DNAH12: variants seen among roughly 807,000 people sequenced by gnomAD.
The protein encoded by DNAH12 is axonemal beta dynein heavy chain 12.
A neutral mutation model predicts 371.5 loss-of-function variants in DNAH12; 285 were observed. The observed-to-expected ratio is 0.77, with a 90% confidence interval of 0.70 to 0.85. DNAH12 has a LOEUF of 0.85. Ranked by LOEUF, DNAH12 falls within the 40% of genes least tolerant of loss-of-function variation. DNAH12 has a pLI of 0.00. For synonymous variants in DNAH12, 1,200 were observed against 1,213.0 expected (o/e 0.99, Z 0.22); for missense variants, 3,611 against 3,689.4 (o/e 0.98, Z 0.55).
At chr3:57,302,312 G>A (rs1005756659) in intron 69 of DNAH12, among the ~76,000 whole-genome samples, 2 of 151,678 alleles carry the variant, frequency 1.3e-5, no homozygotes, top group African/African-American at 4.8e-5. Flanking sequence ...TGCAATGGCT[G>A]AAACAAACAC....
At chr3:57,421,898 A>G (rs1044565356) in intron 35 of DNAH12, among the ~76,000 whole-genome samples, 192 bp from the exon 36 acceptor site, 15 of 104,824 alleles carry the variant, frequency 1.4e-4, no homozygotes, top group Non-Finnish European at 2.7e-4. Flanking sequence ...AAATGTTTGC[A>G]TGTCTTTTTT....
chr3:57,331,649 G>T (rs1396621329), intron 62 of DNAH12, among the ~76,000 whole-genome samples: 1 of 152,140 alleles, frequency 6.6e-6, no homozygotes, highest in African/African-American at 2.4e-5. Context: ...AAAAAAGAAG[G>T]AAGAAACGAA....
At chr3:57,389,196 C>T (rs2063558224) in intron 45 of DNAH12, among the ~76,000 whole-genome samples, 1 of 150,674 alleles carries the variant, frequency 6.6e-6, no homozygotes. Flanking sequence ...ATCTTATTTA[C>T]TCTCTGTCCC....
chr3:57,402,504 C>T (rs1326963105), intron 43 of DNAH12: 1 of 1,122,082 alleles, frequency 8.9e-7, no homozygotes, highest in Non-Finnish European at 1.2e-6. Flanking sequence ...ATGGTTAAAT[C>T]TGCTAGAAAC....
At chr3:57,301,234 C>T (rs1452517411) in intron 70 of DNAH12, among the ~76,000 whole-genome samples, 1 of 131,122 alleles carries the variant, frequency 7.6e-6, no homozygotes, top group Non-Finnish European at 1.5e-5. Context: ...CCACTGCACT[C>T]CAGCCTGGAT....
intron 49 of DNAH12, among the ~76,000 whole-genome samples, chr3:57,384,530 G>A (rs2153344726): frequency 6.6e-6 from 1 of 152,134 alleles, no homozygotes; most frequent in South Asian, 2.1e-4. Context: ...TGTGATCCTA[G>A]TTACTGAGGA....
chr3:57,442,967 A>T (rs1464198791), intron 29 of DNAH12, among the ~76,000 whole-genome samples: 1 of 152,240 alleles, frequency 6.6e-6, no homozygotes, highest in Non-Finnish European at 1.5e-5. Context: ...GTGGTTTATG[A>T]ACGCTGAACT....
intron 43 of DNAH12, chr3:57,402,355 C>A: frequency 7.7e-7 from 1 of 1,294,832 alleles, no homozygotes; most frequent in South Asian, 1.2e-5. Context: ...GGGCTACAGA[C>A]CCCTAGGCAT....
intron 67 of DNAH12, 78 bp downstream of exon 67, chr3:57,310,639 A>G (rs2061564583): frequency 1.0e-6 from 1 of 987,330 alleles, no homozygotes; most frequent in African/African-American, 1.6e-5. Context: ...AAACCTATAC[A>G]TTAGAGAAGA....
At chr3:57,371,665 A>ACATG (rs1553667683) in intron 55 of DNAH12, among the ~76,000 whole-genome samples, 2 of 67,192 alleles carry the variant, frequency 3.0e-5, no homozygotes, top group East Asian at 3.2e-4. Context: ...CCATCTCAAA[A>ACATG]CACGCACACA....
At chr3:57,441,004 A>G (rs1433067656) in intron 29 of DNAH12, among the ~76,000 whole-genome samples, 1 of 152,210 alleles carries the variant, frequency 6.6e-6, no homozygotes, top group Non-Finnish European at 1.5e-5. Flanking sequence ...TAGTCACTTC[A>G]TAACAGAACC....
At chr3:57,419,113 G>T (rs898993233) in intron 37 of DNAH12, among the ~76,000 whole-genome samples, 5 of 152,184 alleles carry the variant, frequency 3.3e-5, no homozygotes, top group East Asian at 1.9e-4. Context: ...CTTTCAGTGT[G>T]CTGTTACAAA....
At chr3:57,420,686 G>A (rs530928658) in intron 36 of DNAH12, among the ~76,000 whole-genome samples, 2 of 152,104 alleles carry the variant, frequency 1.3e-5, no homozygotes, top group South Asian at 2.1e-4. Flanking sequence ...GAGGTGGGTG[G>A]ATCACGAGGT....
intron 29 of DNAH12, among the ~76,000 whole-genome samples, chr3:57,438,698 A>G (rs750334760): frequency 6.6e-6 from 1 of 152,032 alleles, no homozygotes; most frequent in Non-Finnish European, 1.5e-5. Flanking sequence ...CACGTCTGTA[A>G]TCTCAGCACT....
intron 17 of DNAH12, among the ~76,000 whole-genome samples, chr3:57,464,705 C>T (rs529143290): frequency 1.3e-5 from 2 of 152,202 alleles, no homozygotes; most frequent in Admixed American, 6.5e-5. Flanking sequence ...CTCTGACCAA[C>T]AATAAACAAC....
intron 2 of DNAH12, chr3:57,530,358 T>C: frequency 2.1e-6 from 1 of 486,928 alleles, no homozygotes; most frequent in Non-Finnish European, 3.8e-6. Context: ...TTTGCCTTTC[T>C]GGGCCTTGAT....
intron 56 of DNAH12, 72 bp from the exon 57 acceptor site, chr3:57,366,993 C>T (rs1470133576): frequency 1.3e-5 from 2 of 152,146 alleles, no homozygotes; most frequent in Admixed American, 6.6e-5. Flanking sequence ...ACTTCTATGG[C>T]CTTGCCTAGG....
rs1375925675 is a variant in DNAH12, at chr3:57,415,482, G to C, written c.5797C>G (p.Gln1933Glu). The C allele has an allele frequency of 1.9e-6, 3 of 1,550,964 alleles. No individual in the cohort carries two copies. The highest frequency in any genetic ancestry group is 2.0e-5 in the Admixed American group (1 of 50,804). The change falls in exon 38 of 74, where the codon CAG (glutamine) becomes GAG (glutamate). Residue 1933 changes from glutamine (Q) to glutamate (E), a missense_variant. By Grantham distance (29) the Gln-to-Glu change is conservative. This residue lies in a region of DNAH12 where 2,266 missense variants were observed against 2,236.9 expected (regional missense o/e 1.01). Coordinates refer to ENST00000495027, the MANE Select transcript of DNAH12 (RefSeq NM_001366028.2). Reference sequence around the variant, plus strand: ...AAGTTAATATAAAAAGGAAAGTACTGGTCCTTTTCCAAGTGATTCATTAGC... The same window carrying C: ...AAGTTAATATAAAAAGGAAAGTACTCGTCCTTTTCCAAGTGATTCATTAGC... ...DKLMNHLEKDQYFPFYINLSA... is the reference protein window; with the variant it reads ...DKLMNHLEKDEYFPFYINLSA...
In DNAH12 at chr3:57,472,526, A is replaced by G. The variant is rs750417565; in HGVS notation, c.1776+20T>C. ...TTGAAATGTCAGATTACAAAAATAC[A>G]TACTGAAAAATATATTTACCTCATC... On this transcript the variant is annotated intron_variant, in intron 14 of 73. Coordinates refer to ENST00000495027, the MANE Select transcript of DNAH12 (RefSeq NM_001366028.2). 3.8e-5 allele frequency: 58 copies of G among 1,536,860 alleles called. No individual in the cohort carries two copies. Among genetic ancestry groups the G allele is most frequent in the Non-Finnish European group, 4.8e-5 (55 of 1,141,130 alleles).
Sources: gnomAD v4.1 joint callset for allele counts (sites outside exome capture counted in the v4.1 genomes callset) on GRCh38, gnomAD v4.1.1 for gene constraint, gnomAD v4.1.1 regional missense constraint, MANE v1.5 for transcripts, NCBI Gene and HGNC (gene_info 2026-07-23, HGNC 2026-07-21) for gene names.